GOLGA8M: variants seen among roughly 807,000 people sequenced by gnomAD.
GOLGA8M encodes the protein golgin subfamily A member 8M.
In GOLGA8M, 34 loss-of-function variants were observed where a neutral mutation model predicts 87.7. That is an observed-to-expected ratio of 0.39 (90% CI 0.29 to 0.52). The LOEUF is 0.52. Among genes scored for constraint, GOLGA8M ranks in the 20% least tolerant of loss-of-function variants. GOLGA8M has a pLI of 0.80. For synonymous variants in GOLGA8M, 138 were observed against 250.2 expected (o/e 0.55, Z 4.23); for missense variants, 396 against 682.2 (o/e 0.58, Z 4.67).
chr15:28,706,932 A>G (rs185894380), intron 8 of GOLGA8M, among the ~76,000 whole-genome samples: 2,703 of 135,680 alleles, frequency 0.02, 95 homozygotes, highest in African/African-American at 0.047. Context: ...TAATATTGCT[A>G]TTGTTATTAC....
upstream of GOLGA8M, among the ~76,000 whole-genome samples, chr15:28,713,063 G>C (rs551931157): frequency 6.6e-6 from 1 of 151,556 alleles, no homozygotes; most frequent in African/African-American, 2.4e-5. Flanking sequence ...TTTTGGGCCG[G>C]GTGCAGTGGC....
rs770355190 is a variant in GOLGA8M, at chr15:28,706,639, C to T, written c.652G>A (p.Ala218Thr). ...WKLEQSMREE[A>T]LLKVQLTQLK... is the part of the protein sequence containing the mutation. ...TGTGTCAGCTGCACTTTCAGTAGTG[C>T]CTCCTCCCGCATGGACTGCTCTAAC... The change falls in exon 9 of 19, where the codon GCA (alanine) becomes ACA (threonine). Residue 218 changes from alanine (A) to threonine (T), a missense_variant. Transcript: ENST00000563027. 2.4e-4 allele frequency: 364 copies of T among 1,528,040 alleles called. 1 individual carries two copies. Among genetic ancestry groups the T allele is most frequent in the East Asian group, 1.1e-3 (47 of 41,494 alleles). The allele number at this position is 1,528,040 out of a possible 1,614,324, so 94.7% of individuals were successfully genotyped here.
Position 28,708,043 on chromosome 15 carries a change from G to A in GOLGA8M, c.397-6C>T, listed in dbSNP as rs200547585. 0.013 allele frequency: 20,458 copies of A among 1,556,876 alleles called. 1,097 individuals carry two copies. The highest frequency in any genetic ancestry group is 0.093 in the African/African-American group (6,259 of 67,378). ...TTCAATGTCTGGAGTTGAACCTTTG[G>A]GAGAAAAGCCAAGCAAGTGCTGAAA... On this transcript the variant is annotated splice_region_variant and splice_polypyrimidine_tract_variant and intron_variant, in intron 6 of 18. Coordinates refer to ENST00000563027, the MANE Select transcript of GOLGA8M (RefSeq NM_001282468.3).
Position 28,704,048 on chromosome 15 carries a change from T to C in GOLGA8M, c.1201-131A>G, listed in dbSNP as rs76819152. 61,064 of 1,435,348 alleles carry C rather than the reference T, an allele frequency of 0.043. 9,086 individuals are homozygous for C. The East Asian group carries it at 0.47, about 11-fold the overall frequency. The allele number at this position is 1,435,348 out of a possible 1,614,324, so 88.9% of individuals were successfully genotyped here. A position where few individuals can be genotyped will look rare whatever the true frequency, so the allele number is the denominator to read the frequency against. On this transcript the variant is annotated intron_variant, in intron 13 of 18. Coordinates refer to ENST00000563027, the MANE Select transcript of GOLGA8M (RefSeq NM_001282468.3). The stretch of plus-strand genomic sequence containing the variant: ...AGGCCATATCGGCCACCGCTTTGCC[T>C]CAAGCTTCCTGCTACTGCAGCTGGT...
rs749243584 is a variant in GOLGA8M at position 28,702,485 on chromosome 15, C to G, written c.1547G>C (p.Gly516Ala). The G allele has an allele frequency of 1.3e-6, 2 of 1,553,392 alleles. No individual in the cohort carries two copies. The highest frequency in any genetic ancestry group is 1.7e-6 in the Non-Finnish European group (2 of 1,157,368). ...CCTACCTTCATCTCCTCCCTGAGCTCCAGCCTGATGGTGTCCTCCTCCCAG... is the reference window on the plus strand; with the variant it reads ...CCTACCTTCATCTCCTCCCTGAGCTGCAGCCTGATGGTGTCCTCCTCCCAG... ...AALGGGHHQA[G>A]AQGGDEGEAA... The change falls in exon 17 of 19, where the codon GGA becomes GCA. Residue 516 changes from glycine to alanine, a missense_variant. Transcript: ENST00000563027.
chr15:28,704,548 G>A (rs946258284), intron 13 of GOLGA8M, among the ~76,000 whole-genome samples: 4 of 150,450 alleles, frequency 2.7e-5, no homozygotes, highest in Non-Finnish European at 2.9e-5. Flanking sequence ...CAGTGGAACC[G>A]AGGCTGGAAT....
In GOLGA8M at chr15:28,708,134, C is replaced by G; in HGVS notation, c.388G>C (p.Val130Leu). 6.3e-7 allele frequency: 1 copy of G among 1,596,816 alleles called. No individual in the cohort carries two copies. ...GCACACCCTCCACTCACCTCTAGCA[C>G]CCTTTTGGCTTTCTGTTTCTTGTTG... ...ANNKKQKAKR[V>L]LEVQLQTLNI... is the part of the protein sequence containing the mutation. The change falls in exon 6 of 19, where the codon GTG becomes CTG. Residue 130 changes from valine (V) to leucine (L), a missense_variant. This residue lies in a region of GOLGA8M where 80 missense variants were observed against 119.9 expected (regional missense o/e 0.67). Transcript: ENST00000563027.
chr15:28,705,709 A>C lies in GOLGA8M; in HGVS notation c.905T>G (p.Val302Gly). 1 of 1,579,494 alleles carries C rather than the reference A, an allele frequency of 6.3e-7. No homozygotes were observed. Among genetic ancestry groups the C allele is most frequent in the South Asian group, 1.1e-5 (1 of 90,090 alleles). Reference sequence around the variant, plus strand: ...GTGCTGCAGCTCCACCTCAGAGGGCACTGCTGGGGGCTCCGGGGGCAAGGG... The same window carrying C: ...GTGCTGCAGCTCCACCTCAGAGGGCCCTGCTGGGGGCTCCGGGGGCAAGGG... ...AEPLPPEPPA[V>G]PSEVELQHLR... Residue 302 changes from valine to glycine, a missense_variant, in exon 12 of 19, where the codon GTG becomes GGG. This residue lies in a region of GOLGA8M where 28 missense variants were observed against 55.2 expected (regional missense o/e 0.51). Transcript: ENST00000563027.
chr15:28,713,255 T>G (rs1044098307), upstream of GOLGA8M, among the ~76,000 whole-genome samples: 77 of 151,422 alleles, frequency 5.1e-4, no homozygotes, highest in African/African-American at 1.8e-3. Flanking sequence ...GAGAATGACA[T>G]GAACCCCCGA....
intron 18 of GOLGA8M, 34 bp downstream of exon 18, chr15:28,702,180 C>T (rs1433094594): frequency 6.3e-7 from 1 of 1,587,304 alleles, no homozygotes; most frequent in South Asian, 1.1e-5. Flanking sequence ...CCCCCTCTTC[C>T]TGCCTGCCCA....
chr15:28,705,774 T>C, intron 11 of GOLGA8M, 35 bp from the exon 12 acceptor site: 3 of 1,555,622 alleles, frequency 1.9e-6, no homozygotes, highest in Non-Finnish European at 2.6e-6. Context: ...GGCCTCTGGA[T>C]TCTCGGAAAA....
rs1307365053 is a variant in GOLGA8M, at chr15:28,701,566, G to C, written c.*388C>G. Among the ~76,000 whole-genome samples the C allele has an allele frequency of 2.6e-5, 4 of 151,152 alleles. No individual in the cohort carries two copies. Among genetic ancestry groups the C allele is most frequent in the Non-Finnish European group, 1.5e-5 (1 of 67,890 alleles). On this transcript the variant is annotated 3_prime_UTR_variant, in exon 19 of 19. Transcript: ENST00000563027. ...CATAGGCAAATTTTGTCTGAATTCTGTAGTGAATATACATGCTGCAATAAC... is the reference window on the plus strand; with the variant it reads ...CATAGGCAAATTTTGTCTGAATTCTCTAGTGAATATACATGCTGCAATAAC...
intron 8 of GOLGA8M, among the ~76,000 whole-genome samples, chr15:28,707,043 A>G (rs1315046237): frequency 1.5e-5 from 2 of 130,854 alleles, no homozygotes; most frequent in Non-Finnish European, 3.0e-5. Flanking sequence ...GACAGTTACT[A>G]TGATTCCCTC....
At chr15:28,702,607 C>T in intron 16 of GOLGA8M, 38 bp downstream of exon 16, 2 of 1,610,286 alleles carry the variant, frequency 1.2e-6, no homozygotes, top group Non-Finnish European at 1.7e-6. Flanking sequence ...TCCGACGGTC[C>T]TGCAGCTCCC....
Position 28,701,296 on chromosome 15 carries a change from C to T in GOLGA8M, c.*658G>A, listed in dbSNP as rs1395550405. Among the ~76,000 whole-genome samples the T allele has an allele frequency of 6.6e-6, 1 of 151,322 alleles. No homozygotes were observed. Among genetic ancestry groups the T allele is most frequent in the Non-Finnish European group, 1.5e-5 (1 of 68,016 alleles). The stretch of plus-strand genomic sequence containing the variant: ...CACACTCTATCCTGCACATACCTGC[C>T]AGAGGAAGCCACTTTCCTCTTCTGT... On this transcript the variant is annotated 3_prime_UTR_variant, in exon 19 of 19. Transcript: ENST00000563027.
At position 28,700,159 on chromosome 15, in the gene GOLGA8M, TTAA is replaced by T. The variant is rs1034156012; in HGVS notation, c.*1792_*1794del. ...GTAAAATCGTACTGTTGCTCTCCTG[TTAA>T]TGTCATATTTATAGAAGTATCATGA... On this transcript the variant is annotated 3_prime_UTR_variant, in exon 19 of 19. Transcript: ENST00000563027. 7.3e-6 allele frequency among the ~76,000 whole-genome samples: 1 copy of T among 137,778 alleles called. No homozygotes were observed. The highest frequency in any genetic ancestry group is 2.8e-5 in the African/African-American group (1 of 35,684). 90.4% of individuals were successfully genotyped at this position (137,778 alleles called of 152,430 possible). A position where few individuals can be genotyped will look rare whatever the true frequency, so the allele number is the denominator to read the frequency against.
Position 28,705,691 on chromosome 15 carries a change from A to G in GOLGA8M, c.923T>C (p.Leu308Pro), listed in dbSNP as rs2079999525. ...CTCTAGTTCCTTCCTCAGGTGCTGC[A>G]GCTCCACCTCAGAGGGCACTGCTGG... is the stretch of plus-strand genomic sequence containing the variant. Reference protein sequence around the residue: ...EPPAVPSEVELQHLRKELERV... With the variant: ...EPPAVPSEVEPQHLRKELERV... The change falls in exon 12 of 19, where the codon CTG becomes CCG. Residue 308 changes from leucine (L) to proline (P), a missense_variant. This residue lies in a region of GOLGA8M where 28 missense variants were observed against 55.2 expected (regional missense o/e 0.51). Transcript: ENST00000563027. 17 of 1,580,952 alleles carry G rather than the reference A, an allele frequency of 1.1e-5. No homozygotes were observed. Among genetic ancestry groups the G allele is most frequent in the Middle Eastern group, 2.2e-4 (1 of 4,614 alleles).
chr15:28,713,259 C>A (rs938595260), upstream of GOLGA8M, among the ~76,000 whole-genome samples: 2 of 151,276 alleles, frequency 1.3e-5, no homozygotes, highest in Non-Finnish European at 2.9e-5. Context: ...ATGACATGAA[C>A]CCCCGAGGTG....
rs1286296627 is a variant in GOLGA8M at position 28,701,365 on chromosome 15, A to C, written c.*589T>G. On this transcript the variant is annotated 3_prime_UTR_variant, in exon 19 of 19. Coordinates refer to ENST00000563027, the MANE Select transcript of GOLGA8M (RefSeq NM_001282468.3). ...CCAAAAGGTTTCACTCCCATCACCA[A>C]TACACAGAAAATGGAGGAAAGGCTG... Among the ~76,000 whole-genome samples the C allele has an allele frequency of 6.6e-6, 1 of 151,764 alleles. No individual in the cohort carries two copies. The highest frequency in any genetic ancestry group is 2.1e-4 in the South Asian group (1 of 4,804).
Sources: gnomAD v4.1 joint callset for allele counts (sites outside exome capture counted in the v4.1 genomes callset) on GRCh38, gnomAD v4.1.1 for gene constraint, gnomAD v4.1.1 regional missense constraint, MANE v1.5 for transcripts, NCBI Gene and HGNC (gene_info 2026-07-23, HGNC 2026-07-21) for gene names.